Variants in CHD8 observed in about 807,000 individuals in gnomAD.
The protein encoded by CHD8 is chromodomain helicase DNA binding protein 8.
CHD8 carries 31 observed loss-of-function variants against 279.2 expected under a neutral mutation model. That is an observed-to-expected ratio of 0.11 (90% confidence interval 0.08 to 0.15). CHD8 has a LOEUF of 0.15. CHD8 is among the 10% of genes least tolerant of loss of function. CHD8 has a pLI of 1.00. For synonymous variants in CHD8, 1,081 were observed against 1,139.6 expected (o/e 0.95, Z 1.04); for missense variants, 2,146 against 3,230.5 (o/e 0.66, Z 8.14).
chr14:21,417,755 G>A (rs1390487918), intron 5 of CHD8, among the ~76,000 whole-genome samples: 1 of 151,226 alleles, frequency 6.6e-6, no homozygotes, highest in Non-Finnish European at 1.5e-5. Flanking sequence ...TCGGGAGGCT[G>A]AGGCAGGAGA....
intron 1 of CHD8, among the ~76,000 whole-genome samples, chr14:21,443,296 CAGG>C (rs1396072296): frequency 2.6e-5 from 4 of 151,892 alleles, no homozygotes; most frequent in African/African-American, 9.7e-5. Context: ...GAGGCTGAGG[CAGG>C]AGAATGGCGT....
Position 21,391,514 on chromosome 14 carries a change from C to T in CHD8, c.7014G>A (p.Glu2338=), listed in dbSNP as rs754621282. ...ACTCTGGATGACCCTGTAACCACAT[C>T]TCCAGTTCAGCCCGGCGAGGGGCAT... is the stretch of plus-strand genomic sequence containing the variant. The part of the protein sequence containing the change: ...GEDAPRRAEL[E]MWLQGHPEFA... Residue 2338 remains glutamate (E), a synonymous_variant, in exon 36 of 38, where the codon GAG becomes GAA. Coordinates refer to ENST00000646647, the MANE Select transcript of CHD8 (RefSeq NM_001170629.2). 6 of 1,613,960 alleles carry T rather than the reference C, an allele frequency of 3.7e-6. No individual in the cohort carries two copies. Among genetic ancestry groups the T allele is most frequent in the East Asian group, 4.5e-5 (2 of 44,888 alleles).
At position 21,428,903 on chromosome 14, in the gene CHD8, C is replaced by A. The variant is rs1014327548; in HGVS notation, c.1215+61G>T. On this transcript the variant is annotated intron_variant, in intron 3 of 37. Coordinates refer to ENST00000646647, the MANE Select transcript of CHD8 (RefSeq NM_001170629.2). ...TTCAAGAATAAGTGGTTGCTGAGGGCAACAGCAATGGACTAAGTATTTTTG... is the reference window on the plus strand; with the variant it reads ...TTCAAGAATAAGTGGTTGCTGAGGGAAACAGCAATGGACTAAGTATTTTTG... The A allele has an allele frequency of 1.3e-5, 20 of 1,534,112 alleles. 1 individual carries two copies. In the African/African-American group the frequency reaches 1.5e-4, roughly 12 times the overall value.
chr14:21,442,097 G>A (rs1054953007), intron 1 of CHD8, among the ~76,000 whole-genome samples: 2 of 152,178 alleles, frequency 1.3e-5, no homozygotes, highest in African/African-American at 4.8e-5. Flanking sequence ...AGGAAAAACT[G>A]CAAGGCTGGG....
chr14:21,385,349 G>T lies in CHD8; in HGVS notation c.*264C>A. The T allele has an allele frequency of 2.0e-6, 1 of 510,216 alleles. No individual in the cohort carries two copies. Among genetic ancestry groups the T allele is most frequent in the Non-Finnish European group, 3.4e-6 (1 of 293,250 alleles). The allele number at this position is 510,216 out of a possible 1,614,324, so 31.6% of individuals were successfully genotyped here. A position where few individuals can be genotyped will look rare whatever the true frequency, so the allele number is the denominator to read the frequency against. On this transcript the variant is annotated 3_prime_UTR_variant, in exon 38 of 38. Transcript: ENST00000646647. The stretch of plus-strand genomic sequence containing the variant: ...GTGGTTAATGGAGGTGACTAGGGAG[G>T]GGTGAGCACACCAGCTGCTCTAGTC...
chr14:21,454,809 T>C (rs1191787299), intron 1 of CHD8: 1 of 152,216 alleles, frequency 6.6e-6, no homozygotes, highest in Non-Finnish European at 1.5e-5. Flanking sequence ...GTACTTGAAA[T>C]AAGTTTCTCA....
Position 21,391,626 on chromosome 14 carries a change from A to G in CHD8, c.6902T>C (p.Met2301Thr), listed in dbSNP as rs755031495. Residue 2301 changes from methionine to threonine, a missense_variant, in exon 36 of 38, where the codon ATG becomes ACG. Coordinates refer to ENST00000646647, the MANE Select transcript of CHD8 (RefSeq NM_001170629.2). ...KKLVELEVEC[M>T]EEPNHLDVDL... ...CACATCAAGGTGATTAGGCTCTTCC[A>G]TGCACTCCACCTCCAGCTGCAAACC... 8.5e-6 allele frequency: 13 copies of G among 1,537,456 alleles called. No individual in the cohort carries two copies. Among genetic ancestry groups the G allele is most frequent in the Non-Finnish European group, 1.1e-5 (12 of 1,133,544 alleles).
chr14:21,396,204 C>T (rs113133400), intron 27 of CHD8, among the ~76,000 whole-genome samples: 14 of 152,186 alleles, frequency 9.2e-5, no homozygotes, highest in African/African-American at 3.1e-4. Context: ...CCATATTGCC[C>T]AGGCTCATCT....
At position 21,426,062 on chromosome 14, in the gene CHD8, T is replaced by G; in HGVS notation, c.1716+66A>C. 5.3e-6 allele frequency: 5 copies of G among 934,872 alleles called. No individual in the cohort carries two copies. In the South Asian group the frequency reaches 5.7e-5, roughly 11 times the overall value. 57.9% of individuals were successfully genotyped at this position (934,872 alleles called of 1,614,324 possible). A position where few individuals can be genotyped will look rare whatever the true frequency, so the allele number is the denominator to read the frequency against. On this transcript the variant is annotated intron_variant, in intron 5 of 37. Transcript: ENST00000646647. ...TATAGACTTACGATTTCTCAATATC[T>G]GCTTGGCTTGGTTAGCCATAATTAA...
intron 1 of CHD8, among the ~76,000 whole-genome samples, chr14:21,451,331 A>T (rs972287022): frequency 1.2e-4 from 19 of 152,058 alleles, no homozygotes; most frequent in Non-Finnish European, 1.2e-4. Context: ...GCTCTTAGGG[A>T]GGCAGAGGCA....
chr14:21,407,141 G>T, intron 13 of CHD8, 109 bp from the exon 14 acceptor site: 2 of 799,896 alleles, frequency 2.5e-6, no homozygotes, highest in Non-Finnish European at 3.8e-6. Flanking sequence ...AATACAAACT[G>T]CACCACCACC....
At chr14:21,401,348 T>G in intron 21 of CHD8, 55 bp downstream of exon 21, 1 of 1,047,238 alleles carries the variant, frequency 9.5e-7, no homozygotes, top group Non-Finnish European at 1.4e-6. Flanking sequence ...CTGTAAAGAC[T>G]CCCGAAAGTA....
rs1594351679 is a variant in CHD8, at chr14:21,408,948, T to C, written c.2365-123A>G. On this transcript the variant is annotated intron_variant, in intron 11 of 37. Transcript: ENST00000646647. The surrounding 1 kb of genome is among the most constrained non-coding windows in gnomAD (Gnocchi z 4.3). ...ATTGTTTGGATTAAAACATGTCAAATATATTTAAATTTATGAGTTCATAAC... is the reference window on the plus strand; with the variant it reads ...ATTGTTTGGATTAAAACATGTCAAACATATTTAAATTTATGAGTTCATAAC... 6 of 1,020,196 alleles carry C rather than the reference T, an allele frequency of 5.9e-6. No individual in the cohort carries two copies. The East Asian group carries it at 1.6e-4, about 27-fold the overall frequency. 63.2% of individuals were successfully genotyped at this position (1,020,196 alleles called of 1,614,324 possible).
At position 21,393,860 on chromosome 14, in the gene CHD8, G is replaced by C; in HGVS notation, c.5935C>G (p.Arg1979Gly). ...QAGAPAPSLS[R>G]CSTPLLHQQY... is the part of the protein sequence containing the mutation. ...TGGTGCAGCAGTGGAGTAGAGCAGC[G>C]TGACAAGGATGGAGCTGGTGCTCCT... Residue 1979 changes from arginine (R) to glycine (G), a missense_variant, in exon 32 of 38, where the codon CGC becomes GGC. Transcript: ENST00000646647. 1 of 1,614,006 alleles carries C rather than the reference G, an allele frequency of 6.2e-7. No individual in the cohort carries two copies. The highest frequency in any genetic ancestry group is 2.2e-5 in the East Asian group (1 of 44,886).
chr14:21,420,189 C>T (rs1313346112), intron 5 of CHD8, among the ~76,000 whole-genome samples: 1 of 152,180 alleles, frequency 6.6e-6, no homozygotes, highest in African/African-American at 2.4e-5. Context: ...GTAGCTGCTG[C>T]CCCAAAGGGT....
At chr14:21,426,104 T>C in intron 5 of CHD8, 24 bp downstream of exon 5, 1 of 1,390,346 alleles carries the variant, frequency 7.2e-7, no homozygotes, top group East Asian at 2.3e-5. Context: ...TTTTTTCTAC[T>C]AAATTCTTTT....
chr14:21,443,301 G>C (rs1050127771), intron 1 of CHD8, among the ~76,000 whole-genome samples: 10 of 152,040 alleles, frequency 6.6e-5, no homozygotes, highest in Non-Finnish European at 1.3e-4. Context: ...TGAGGCAGGA[G>C]AATGGCGTGA....
chr14:21,408,934 T>G lies in CHD8; in HGVS notation c.2365-109A>C. ...CAATTCAAAACAACATTGTTTGGAT[T>G]AAAACATGTCAAATATATTTAAATT... On this transcript the variant is annotated intron_variant, in intron 11 of 37. Transcript: ENST00000646647. This position sits in a 1 kb window ranked among gnomAD's most constrained non-coding sequence, Gnocchi z 4.3. The G allele has an allele frequency of 9.0e-7, 1 of 1,114,584 alleles. No individual in the cohort carries two copies. The highest frequency in any genetic ancestry group is 1.3e-6 in the Non-Finnish European group (1 of 791,256). The allele number at this position is 1,114,584 out of a possible 1,614,324, so 69.0% of individuals were successfully genotyped here.
rs1045663447 is a variant in CHD8, at chr14:21,390,338, TAGA to T, written c.7182+606_7182+608del. The stretch of plus-strand genomic sequence containing the variant: ...TGTCCAAAATCCCTTAGTTATTCAA[TAGA>T]AGAACAGAGTAAGATCTGAATGTTC... On this transcript the variant is annotated intron_variant, in intron 37 of 37. Transcript: ENST00000646647. Among the ~76,000 whole-genome samples, 155 of 152,322 alleles carry T rather than the reference TAGA, an allele frequency of 1.0e-3. 2 individuals carry two copies. Among genetic ancestry groups the T allele is most frequent in the African/African-American group, 2.9e-3 (119 of 41,568 alleles).
Sources: gnomAD v4.1 joint callset for allele counts (sites outside exome capture counted in the v4.1 genomes callset) on GRCh38, gnomAD v4.1.1 for gene constraint, Gnocchi (gnomAD v3.1) non-coding constraint, MANE v1.5 for transcripts, NCBI Gene and HGNC (gene_info 2026-07-23, HGNC 2026-07-21) for gene names.